Variants in LPP observed in about 807,000 individuals in gnomAD.
LPP encodes lipoma-preferred partner.
A neutral mutation model predicts 60.4 loss-of-function variants in LPP; 38 were observed. The ratio of observed to expected loss-of-function variants is 0.63; its 90% CI spans 0.49 to 0.83. The LOEUF (loss-of-function observed/expected upper bound fraction) is 0.83. Among genes scored for constraint, LPP ranks in the 40% least tolerant of loss-of-function variants. The pLI is 0.00. For synonymous variants in LPP, 328 were observed against 290.8 expected, an observed-to-expected ratio of 1.13 and a Z score of -1.30; for missense variants, 902 against 783.6, an observed-to-expected ratio of 1.15 and a Z score of -1.80.
At chr3:188,621,787 G>C (rs1329943379) in intron 7 of LPP, among the ~76,000 whole-genome samples, 2 of 152,092 alleles carry the variant, frequency 1.3e-5, no homozygotes, top group Non-Finnish European at 2.9e-5. Context: ...AGCCTCCTGA[G>C]TAGCTGGGAT....
At chr3:188,696,064 AGT>A (rs140765965) in intron 7 of LPP, among the ~76,000 whole-genome samples, 1 of 152,112 alleles carries the variant, frequency 6.6e-6, no homozygotes, top group African/African-American at 2.4e-5. Flanking sequence ...TAAATAATCT[AGT>A]GTGTGTGTGT....
intron 9 of LPP, among the ~76,000 whole-genome samples, chr3:188,764,661 A>G (rs1036450689): frequency 1.3e-5 from 2 of 152,204 alleles, no homozygotes; most frequent in African/African-American, 4.8e-5. Context: ...AGCCTTACTC[A>G]TAAGTATAGT....
At chr3:188,829,677 T>C (rs970245530) in intron 9 of LPP, among the ~76,000 whole-genome samples, 1 of 152,150 alleles carries the variant, frequency 6.6e-6, no homozygotes, top group Non-Finnish European at 1.5e-5. Flanking sequence ...CGTCGACACC[T>C]GAAATCCTAT....
At chr3:188,457,336 A>G (rs1337480973) in intron 4 of LPP, among the ~76,000 whole-genome samples, 3 of 152,162 alleles carry the variant, frequency 2.0e-5, no homozygotes, top group African/African-American at 7.2e-5. Flanking sequence ...TAACTAATGT[A>G]ATTTTCCAAA....
intron 3 of LPP, among the ~76,000 whole-genome samples, chr3:188,384,789 C>CAAAAAAAAAAAA (rs561284077): frequency 3.9e-5 from 2 of 51,452 alleles, no homozygotes; most frequent in African/African-American, 7.9e-5. Context: ...GACTCTGTCT[C>CAAAAAAAAAAAA]AAAAAAAAAA....
intron 10 of LPP, among the ~76,000 whole-genome samples, chr3:188,867,233 A>C (rs1355713821): frequency 2.0e-5 from 3 of 149,286 alleles, no homozygotes; most frequent in Non-Finnish European, 3.0e-5. Context: ...TTGTTACTTA[A>C]TTATTCAATA....
At chr3:188,288,381 C>T (rs979288651) in intron 2 of LPP, among the ~76,000 whole-genome samples, 1 of 152,172 alleles carries the variant, frequency 6.6e-6, no homozygotes, top group African/African-American at 2.4e-5. Flanking sequence ...GCTCAAACCT[C>T]ACACCAGTCC....
intron 6 of LPP, among the ~76,000 whole-genome samples, chr3:188,587,851 C>T (rs183375818): frequency 4.6e-5 from 7 of 152,276 alleles, no homozygotes; most frequent in African/African-American, 1.4e-4. Flanking sequence ...TTTACCTACT[C>T]GCTTTGTGTC....
intron 2 of LPP, among the ~76,000 whole-genome samples, chr3:188,323,980 G>A (rs981172220): frequency 1.9e-4 from 29 of 152,218 alleles, no homozygotes; most frequent in Admixed American, 5.9e-4. Context: ...TTTGGAGATA[G>A]TACATGTTGC....
chr3:188,163,173 G>A (rs929654346), intron 1 of LPP, among the ~76,000 whole-genome samples: 8 of 152,132 alleles, frequency 5.3e-5, no homozygotes, highest in African/African-American at 1.9e-4. Context: ...TTCTACTGTT[G>A]TAATTGCTTG....
intron 5 of LPP, among the ~76,000 whole-genome samples, chr3:188,510,623 G>A (rs1815173674): frequency 6.6e-6 from 1 of 152,142 alleles, no homozygotes; most frequent in Admixed American, 6.5e-5. Flanking sequence ...AGCACCTTGG[G>A]TAAGAGCCAA....
chr3:188,462,629 TGTGTGTTACTTTTTTGG>T (rs1799412693), intron 4 of LPP, among the ~76,000 whole-genome samples: 1 of 107,136 alleles, frequency 9.3e-6, no homozygotes, highest in South Asian at 2.8e-4. Context: ...TGTGTGTGTG[TGTGTGTTACTTTTTTGG>T]GTGTTTATTT....
At chr3:188,464,660 C>T (rs1177989630) in intron 4 of LPP, among the ~76,000 whole-genome samples, 4 of 152,110 alleles carry the variant, frequency 2.6e-5, no homozygotes, top group Non-Finnish European at 5.9e-5. Flanking sequence ...ATCAACAGAG[C>T]AACAACATAG....
intron 6 of LPP, among the ~76,000 whole-genome samples, chr3:188,588,131 G>T (rs1241612332): frequency 6.6e-6 from 1 of 152,230 alleles, no homozygotes; most frequent in Non-Finnish European, 1.5e-5. Context: ...GAGATCCTAT[G>T]TGGATATGGA....
At position 188,887,075 on chromosome 3, in the gene LPP, G is replaced by A; in HGVS notation, c.*12596G>A. ...GTATTGTGTTGCCACTTTGTATGGT[G>A]CCTGCTGTGCTTTATCCCGAGGCAT... On this transcript the variant is annotated 3_prime_UTR_variant, in exon 12 of 12. Coordinates refer to ENST00000617246, the MANE Select transcript of LPP (RefSeq NM_001375462.1). 4.3e-6 allele frequency: 1 copy of A among 230,156 alleles called. No homozygotes were observed. The highest frequency in any genetic ancestry group is 8.6e-6 in the Non-Finnish European group (1 of 116,124). The allele number at this position is 230,156 out of a possible 1,614,324, so 14.3% of individuals were successfully genotyped here.
intron 8 of LPP, among the ~76,000 whole-genome samples, chr3:188,727,118 A>C (rs944163643): frequency 1.3e-5 from 2 of 152,180 alleles, no homozygotes; most frequent in Non-Finnish European, 2.9e-5. Context: ...AGAAAAGCCC[A>C]AAGTAGCTTG....
intron 1 of LPP, among the ~76,000 whole-genome samples, chr3:188,174,436 C>T (rs937956380): frequency 3.3e-5 from 5 of 152,184 alleles, no homozygotes; most frequent in East Asian, 1.9e-4. Context: ...GCGAAGCGTG[C>T]GCAGGCATTG....
chr3:188,785,547 T>TATATATATATATATATATATAC (rs1206082559), intron 9 of LPP, among the ~76,000 whole-genome samples: 1 of 43,844 alleles, frequency 2.3e-5, no homozygotes, highest in South Asian at 1.2e-3. Flanking sequence ...TATATATATA[T>TATATATATATATATATATATAC]ACACACACAC....
chr3:188,511,234 C>G (rs1208178105), intron 5 of LPP, among the ~76,000 whole-genome samples: 1 of 109,088 alleles, frequency 9.2e-6, no homozygotes, highest in Non-Finnish European at 1.9e-5. Context: ...CTCCCTTCCT[C>G]CCTCCCTCAC....
Sources: gnomAD v4.1 joint callset for allele counts (sites outside exome capture counted in the v4.1 genomes callset) on GRCh38, gnomAD v4.1.1 for gene constraint, MANE v1.5 for transcripts, NCBI Gene and HGNC (gene_info 2026-07-23, HGNC 2026-07-21) for gene names.